Variants in RNF130 observed in about 807,000 individuals in gnomAD.
RNF130 encodes the protein ring finger protein 130, also known as E3 ubiquitin-protein ligase RNF130.
In RNF130, 21 loss-of-function variants were observed where a neutral mutation model predicts 44.6. That is an observed-to-expected ratio of 0.47 (90% CI 0.33 to 0.68). RNF130 has a LOEUF of 0.68. Among genes scored for constraint, RNF130 ranks in the 30% least tolerant of loss-of-function variants. The probability of loss-of-function intolerance (pLI) is 0.02; values close to 1 mark genes in which losing one functional copy is unlikely to be tolerated. For missense variants in RNF130, 479 were observed against 560.6 expected (o/e 0.85, Z 1.47); for synonymous variants, 214 against 210.4 (o/e 1.02, Z -0.15).
chr5:179,946,856 A>G (rs892711809), intron 7 of RNF130, among the ~76,000 whole-genome samples: 2 of 152,182 alleles, frequency 1.3e-5, no homozygotes, highest in African/African-American at 4.8e-5. Context: ...GCCCAGCACC[A>G]TAGGGGATCT....
chr5:179,993,538 G>C (rs1287913753), intron 3 of RNF130, among the ~76,000 whole-genome samples: 2 of 152,196 alleles, frequency 1.3e-5, no homozygotes, highest in Non-Finnish European at 2.9e-5. Flanking sequence ...AGAAGTGTCT[G>C]TCTGTATCCT....
At chr5:179,975,225 C>T (rs1208438597) in intron 5 of RNF130, among the ~76,000 whole-genome samples, 2 of 152,272 alleles carry the variant, frequency 1.3e-5, no homozygotes, top group East Asian at 1.9e-4. Flanking sequence ...ATTCTGTAAG[C>T]GGCAGTTTGG....
intron 7 of RNF130, among the ~76,000 whole-genome samples, chr5:179,935,045 T>C (rs1161199441): frequency 6.6e-6 from 1 of 152,250 alleles, no homozygotes; most frequent in Non-Finnish European, 1.5e-5. Flanking sequence ...TATGTCATAC[T>C]TCTATGAGCA....
chr5:180,071,500 G>C lies in RNF130; in HGVS notation c.203C>G (p.Ala68Gly), dbSNP rs1377140956. ...RGRYGLDSPK[A>G]EVRGQVLAPL... ...CGCCAGCACCTGGCCGCGGACCTCG[G>C]CCTTGGGGGAGTCAAGCCCGTAGCG... is the stretch of plus-strand genomic sequence containing the variant. Residue 68 changes from alanine (A) to glycine (G), a missense_variant, in exon 1 of 9, where the codon GCC becomes GGC. Physicochemically the swap from Ala to Gly is moderately conservative, Grantham distance 60. Around this residue, in one of 3 missense-constraint regions of RNF130, gnomAD observed 138 missense variants for 126.9 expected, o/e 1.09. Transcript: ENST00000521389. The C allele has an allele frequency of 1.5e-6, 2 of 1,305,296 alleles. No individual in the cohort carries two copies. Among genetic ancestry groups the C allele is most frequent in the Non-Finnish European group, 9.8e-7 (1 of 1,022,092 alleles). The allele number at this position is 1,305,296 out of a possible 1,614,324, so 80.9% of individuals were successfully genotyped here. A position where few individuals can be genotyped will look rare whatever the true frequency, so the allele number is the denominator to read the frequency against.
At chr5:179,984,091 T>G (rs1402988393) in intron 3 of RNF130, among the ~76,000 whole-genome samples, 1 of 152,194 alleles carries the variant, frequency 6.6e-6, no homozygotes, top group African/African-American at 2.4e-5. Flanking sequence ...ATTACTCATA[T>G]ATAGAAATAA....
chr5:180,051,169 C>T (rs982325534), intron 1 of RNF130, among the ~76,000 whole-genome samples: 1 of 152,020 alleles, frequency 6.6e-6, no homozygotes, highest in African/African-American at 2.4e-5. Context: ...ACAATTCTTA[C>T]AATTACCAAT....
At chr5:179,923,567 G>A (rs774352723) in intron 7 of RNF130, among the ~76,000 whole-genome samples, 3 of 152,202 alleles carry the variant, frequency 2.0e-5, no homozygotes, top group Non-Finnish European at 4.4e-5. Context: ...AATCCCAGCG[G>A]CTGAGTTTCA....
chr5:180,033,723 A>C (rs1372837657), intron 2 of RNF130, among the ~76,000 whole-genome samples: 1 of 152,058 alleles, frequency 6.6e-6, no homozygotes, highest in Non-Finnish European at 1.5e-5. Context: ...GAGAGAGAGA[A>C]ATACAATTGG....
chr5:180,003,156 G>A (rs999374157), intron 3 of RNF130, among the ~76,000 whole-genome samples: 3 of 152,090 alleles, frequency 2.0e-5, no homozygotes, highest in African/African-American at 4.8e-5. Context: ...AAAGAAGAGC[G>A]CAAAGTCAAG....
At chr5:180,053,618 T>C (rs1191535824) in intron 1 of RNF130, among the ~76,000 whole-genome samples, 1 of 152,136 alleles carries the variant, frequency 6.6e-6, no homozygotes, top group Non-Finnish European at 1.5e-5. Flanking sequence ...ACAAAAGTTT[T>C]ATTATTTTTT....
chr5:180,071,615 C>A lies in RNF130; in HGVS notation c.88G>T (p.Ala30Ser). 2 of 1,505,188 alleles carry A rather than the reference C, an allele frequency of 1.3e-6. No individual in the cohort carries two copies. The highest frequency in any genetic ancestry group is 1.8e-6 in the Non-Finnish European group (2 of 1,125,694). The allele number at this position is 1,505,188 out of a possible 1,614,324, so 93.2% of individuals were successfully genotyped here. The change falls in exon 1 of 9, where the codon GCG (alanine) becomes TCG (serine). Residue 30 changes from alanine to serine, a missense_variant. Coordinates refer to ENST00000521389, the MANE Select transcript of RNF130 (RefSeq NM_018434.6). Reference protein sequence around the residue: ...CSLWPARADNASQEYYTALIN... With the variant: ...CSLWPARADNSSQEYYTALIN... ...AGCGCCGTGTAGTACTCCTGGCTCG[C>A]GTTGTCTGCCCGTGCCGGCCACAGG...
At chr5:179,917,720 G>A (rs1333975277) in exon 8 of RNF130, 1 of 152,214 alleles carries the variant, frequency 6.6e-6, no homozygotes, top group Non-Finnish European at 1.5e-5. Flanking sequence ...TGCCATTCTT[G>A]GCTGGGCATG....
At chr5:179,973,208 C>G (rs189837844) in intron 5 of RNF130, among the ~76,000 whole-genome samples, 1 of 152,296 alleles carries the variant, frequency 6.6e-6, no homozygotes, top group East Asian at 1.9e-4. Flanking sequence ...GATCTTCAGT[C>G]TCAAATTCCC....
intron 1 of RNF130, among the ~76,000 whole-genome samples, chr5:180,066,700 G>A (rs1582236257): frequency 6.6e-6 from 1 of 152,110 alleles, no homozygotes; most frequent in East Asian, 1.9e-4. Flanking sequence ...AGCCGTGCTT[G>A]GTGGCACATG....
chr5:180,059,382 C>T (rs904077696), intron 1 of RNF130, among the ~76,000 whole-genome samples: 2 of 152,204 alleles, frequency 1.3e-5, no homozygotes, highest in Non-Finnish European at 2.9e-5. Flanking sequence ...ACCTGTGTAA[C>T]GGTCTGCTTT....
At chr5:179,986,214 T>C (rs976775021) in intron 3 of RNF130, among the ~76,000 whole-genome samples, 4 of 152,246 alleles carry the variant, frequency 2.6e-5, no homozygotes, top group Admixed American at 6.5e-5. Flanking sequence ...GGTGTAGCTA[T>C]AGCAATGGCT....
chr5:179,991,149 T>C (rs1487968305), intron 3 of RNF130, among the ~76,000 whole-genome samples: 1 of 152,212 alleles, frequency 6.6e-6, no homozygotes, highest in African/African-American at 2.4e-5. Flanking sequence ...AGTGTATCTT[T>C]CCCTATCTGC....
At chr5:180,049,055 G>C (rs1369843389) in intron 1 of RNF130, among the ~76,000 whole-genome samples, 2 of 152,194 alleles carry the variant, frequency 1.3e-5, no homozygotes, top group Admixed American at 6.5e-5. Flanking sequence ...ATAAGCAGAG[G>C]CTGGTAGGCA....
intron 2 of RNF130, among the ~76,000 whole-genome samples, chr5:180,023,337 C>A (rs1042589104): frequency 1.3e-5 from 2 of 152,210 alleles, no homozygotes; most frequent in Non-Finnish European, 2.9e-5. Flanking sequence ...AACATCACAT[C>A]TAATGCCCGG....
Sources: gnomAD v4.1 joint callset for allele counts (sites outside exome capture counted in the v4.1 genomes callset) on GRCh38, gnomAD v4.1.1 for gene constraint, gnomAD v4.1.1 regional missense constraint, MANE v1.5 for transcripts, NCBI Gene and HGNC (gene_info 2026-07-23, HGNC 2026-07-21) for gene names.